ENTREP2: variants seen among roughly 807,000 people sequenced by gnomAD.
ENTREP2 encodes endosomal transmembrane epsin interactor 2.
At chr15:29,568,277 C>T in the ENTREP2 span, among the ~76,000 whole-genome samples, 2 of 152,204 alleles carry the variant, frequency 1.3e-5, no homozygotes, top group African/African-American at 2.4e-5. Flanking sequence ...CAGAAGTCAT[C>T]TTATAATCTC....
chr15:29,524,778 C>T, the ENTREP2 span, among the ~76,000 whole-genome samples: 2 of 152,122 alleles, frequency 1.3e-5, no homozygotes, highest in Non-Finnish European at 2.9e-5. Context: ...TGGTGGACAG[C>T]GAGCGAAAGC....
At chr15:29,195,248 G>A in the ENTREP2 span, 1 of 985,336 alleles carries the variant, frequency 1.0e-6, no homozygotes, top group Non-Finnish European at 1.2e-6. Context: ...CAGGCGCTGT[G>A]AGCCAGGCGT....
the ENTREP2 span, among the ~76,000 whole-genome samples, chr15:29,307,723 CCT>C: frequency 6.6e-6 from 1 of 151,636 alleles, no homozygotes; most frequent in African/African-American, 2.4e-5. Context: ...GAGACAGAGA[CCT>C]CTCTCTCTCT....
chr15:29,389,960 A>G, the ENTREP2 span, among the ~76,000 whole-genome samples: 2 of 152,214 alleles, frequency 1.3e-5, no homozygotes, highest in Non-Finnish European at 2.9e-5. Flanking sequence ...ACGAAGGCCA[A>G]ATAGATTGGG....
the ENTREP2 span, among the ~76,000 whole-genome samples, chr15:29,216,629 C>T: frequency 0.067 from 10,165 of 152,144 alleles, 1,177 homozygotes; most frequent in African/African-American, 0.23. Context: ...CATTTTGTTA[C>T]ACCCGAGCGA....
chr15:29,412,571 T>TA, the ENTREP2 span, among the ~76,000 whole-genome samples: 1 of 152,260 alleles, frequency 6.6e-6, no homozygotes, highest in East Asian at 1.9e-4. Context: ...TAAGTTCTGT[T>TA]ACGTTTTTCT....
chr15:29,276,722 G>A, the ENTREP2 span, among the ~76,000 whole-genome samples: 1 of 152,338 alleles, frequency 6.6e-6, no homozygotes, highest in Middle Eastern at 3.4e-3. Flanking sequence ...GACTCCTGGA[G>A]ATAATGAATT....
the ENTREP2 span, among the ~76,000 whole-genome samples, chr15:29,237,522 G>A: frequency 6.6e-6 from 1 of 152,110 alleles, no homozygotes; most frequent in Non-Finnish European, 1.5e-5. Flanking sequence ...TTAGGTTGAG[G>A]TTCACTGTTT....
At chr15:29,633,345 T>C in the ENTREP2 span, among the ~76,000 whole-genome samples, 3 of 152,178 alleles carry the variant, frequency 2.0e-5, no homozygotes, top group Non-Finnish European at 2.9e-5. Context: ...ATTCCAACTT[T>C]TGAAAGAAAA....
chr15:29,447,645 C>A, the ENTREP2 span, among the ~76,000 whole-genome samples: 2 of 138,754 alleles, frequency 1.4e-5, no homozygotes, highest in Non-Finnish European at 3.2e-5. Flanking sequence ...TGCCACCAGA[C>A]CTGGCTGATT....
chr15:29,516,779 T>C, the ENTREP2 span, among the ~76,000 whole-genome samples: 1 of 152,112 alleles, frequency 6.6e-6, no homozygotes, highest in Non-Finnish European at 1.5e-5. Context: ...TTTTTCATAA[T>C]AACAAAAGAG....
chr15:29,213,005 A>G, the ENTREP2 span, among the ~76,000 whole-genome samples: 3 of 152,242 alleles, frequency 2.0e-5, no homozygotes, highest in South Asian at 2.1e-4. Context: ...AGCTTTCTAC[A>G]TATGGCTAGC....
chr15:29,262,535 T>A, the ENTREP2 span, among the ~76,000 whole-genome samples: 1 of 152,168 alleles, frequency 6.6e-6, no homozygotes, highest in African/African-American at 2.4e-5. Flanking sequence ...TTCAGAGAGC[T>A]TCCAGACTGC....
the ENTREP2 span, among the ~76,000 whole-genome samples, chr15:29,309,508 G>A: frequency 9.9e-5 from 15 of 152,040 alleles, no homozygotes; most frequent in Admixed American, 5.9e-4. Flanking sequence ...GGCCAAGCAC[G>A]GTGGCTCACG....
the ENTREP2 span, among the ~76,000 whole-genome samples, chr15:29,262,563 C>T: frequency 6.6e-5 from 10 of 152,350 alleles, no homozygotes; most frequent in East Asian, 3.9e-4. Flanking sequence ...GCGGTGGTTC[C>T]GGTAGGGTGG....
At chr15:29,371,009 G>C in the ENTREP2 span, among the ~76,000 whole-genome samples, 1 of 151,758 alleles carries the variant, frequency 6.6e-6, no homozygotes, top group African/African-American at 2.4e-5. Flanking sequence ...ACTTATAAAT[G>C]TTAGCCATTA....
At chr15:29,177,225 G>A in the ENTREP2 span, among the ~76,000 whole-genome samples, 3 of 152,150 alleles carry the variant, frequency 2.0e-5, no homozygotes, top group South Asian at 2.1e-4. Flanking sequence ...TCCCGCTCTC[G>A]TGTATGGGAC....
chr15:29,552,571 A>AAAT, the ENTREP2 span, among the ~76,000 whole-genome samples: 2 of 151,950 alleles, frequency 1.3e-5, no homozygotes, highest in Non-Finnish European at 2.9e-5. Context: ...CCATCTCTAA[A>AAAT]AATAATAATA....
the ENTREP2 span, among the ~76,000 whole-genome samples, chr15:29,465,738 TATAA>T: frequency 1.3e-5 from 2 of 152,232 alleles, no homozygotes; most frequent in Non-Finnish European, 2.9e-5. Context: ...GGATGACAGT[TATAA>T]ATAATTTTTA....
Sources: allele counts gnomAD v4.1 joint callset (sites outside exome capture counted in the v4.1 genomes callset), GRCh38; gene constraint gnomAD v4.1.1; transcripts MANE v1.5; gene names NCBI Gene and HGNC (gene_info 2026-07-23, HGNC 2026-07-21).